Variants in IKBKB observed in about 807,000 individuals in gnomAD.
IKBKB encodes the protein inhibitor of nuclear factor kappa-B kinase subunit beta.
IKBKB carries 42 observed loss-of-function variants against 113.6 expected under a neutral mutation model. That is an observed-to-expected ratio of 0.37 (90% CI 0.29 to 0.48). The LOEUF is 0.48. Ranked by LOEUF, IKBKB falls within the 20% of genes least tolerant of loss-of-function variation. The probability of loss-of-function intolerance (pLI) is 0.99; values close to 1 mark genes in which losing one functional copy is unlikely to be tolerated. For missense variants in IKBKB, 673 were observed against 939.7 expected (o/e 0.72, Z 3.71); for synonymous variants, 296 against 361.3 (o/e 0.82, Z 2.05).
At chr8:42,318,451 C>A (rs1819113450) in intron 12 of IKBKB, 101 bp from the exon 13 acceptor site, 1 of 1,354,706 alleles carries the variant, frequency 7.4e-7, no homozygotes, top group Non-Finnish European at 1.0e-6. Context: ...ATAGTAGGTA[C>A]AAAACGTGAA....
At chr8:42,308,788 C>T (rs1251278857) in intron 7 of IKBKB, 113 bp from the exon 8 acceptor site, 3 of 968,908 alleles carry the variant, frequency 3.1e-6, no homozygotes, top group Admixed American at 2.1e-5. Flanking sequence ...CATGCATGTG[C>T]CAGTGCCCTC....
At chr8:42,271,726 G>T (rs1807785407) in intron 1 of IKBKB, 1 of 509,634 alleles carries the variant, frequency 2.0e-6, no homozygotes, top group Admixed American at 3.9e-5. Context: ...CCTCGGCGAT[G>T]CTCAGAAGTA....
intron 2 of IKBKB, among the ~76,000 whole-genome samples, chr8:42,279,846 A>AT (rs1809988792): frequency 6.6e-6 from 1 of 151,720 alleles, no homozygotes; most frequent in African/African-American, 2.4e-5. Flanking sequence ...TTCTTTATTG[A>AT]TTTTTTGTTG....
At chr8:42,303,201 G>A (rs1369161776) in intron 5 of IKBKB, among the ~76,000 whole-genome samples, 5 of 151,998 alleles carry the variant, frequency 3.3e-5, no homozygotes, top group African/African-American at 9.7e-5. Flanking sequence ...TGGCGGCGAC[G>A]GCATACAGAG....
intron 9 of IKBKB, among the ~76,000 whole-genome samples, chr8:42,315,167 G>A (rs1818432835): frequency 6.6e-6 from 1 of 152,144 alleles, no homozygotes; most frequent in South Asian, 2.1e-4. Context: ...CAGTCTCAGA[G>A]CCAGAATCTA....
chr8:42,318,488 A>G, intron 12 of IKBKB, 64 bp from the exon 13 acceptor site: 1 of 1,568,798 alleles, frequency 6.4e-7, no homozygotes, highest in Non-Finnish European at 8.7e-7. Flanking sequence ...AAGGCAGGAT[A>G]TGGTTAATTG....
chr8:42,318,515 G>A, intron 12 of IKBKB, 37 bp from the exon 13 acceptor site: 1 of 1,604,284 alleles, frequency 6.2e-7, no homozygotes, highest in Non-Finnish European at 8.5e-7. Flanking sequence ...AGTTATTGTG[G>A]TTATTCTTTG....
At chr8:42,317,529 C>T in intron 11 of IKBKB, 128 bp from the exon 12 acceptor site, 1 of 676,526 alleles carries the variant, frequency 1.5e-6, no homozygotes, top group Non-Finnish European at 2.7e-6. Flanking sequence ...TTCATGGATG[C>T]TTCCTACTTG....
At chr8:42,288,777 C>A in intron 3 of IKBKB, 49 bp downstream of exon 3, 1 of 1,438,520 alleles carries the variant, frequency 7.0e-7, no homozygotes, top group East Asian at 2.4e-5. Context: ...AGCAGCAGCC[C>A]CCGGTGTGTC....
At chr8:42,281,307 C>T (rs1283432340) in intron 2 of IKBKB, among the ~76,000 whole-genome samples, 1 of 152,194 alleles carries the variant, frequency 6.6e-6, no homozygotes, top group East Asian at 1.9e-4. Context: ...AGGCTGCGGT[C>T]GTTTATTCCC....
In IKBKB at chr8:42,331,595, G is replaced by C; in HGVS notation, c.*616G>C. 1 of 594,652 alleles carries C rather than the reference G, an allele frequency of 1.7e-6. No individual in the cohort carries two copies. Among genetic ancestry groups the C allele is most frequent in the East Asian group, 2.8e-5 (1 of 35,900 alleles). 36.8% of individuals were successfully genotyped at this position (594,652 alleles called of 1,614,324 possible). A position where few individuals can be genotyped will look rare whatever the true frequency, so the allele number is the denominator to read the frequency against. On this transcript the variant is annotated 3_prime_UTR_variant, in exon 22 of 22. Transcript: ENST00000520810. Reference sequence around the variant, plus strand: ...TTTTTATTTCACTGCTGCTAAAATTGTGTTTTTACCTACTACTTTGGTGGT... The same window carrying C: ...TTTTTATTTCACTGCTGCTAAAATTCTGTTTTTACCTACTACTTTGGTGGT...
intron 5 of IKBKB, among the ~76,000 whole-genome samples, chr8:42,299,379 C>A (rs1230117260): frequency 6.6e-6 from 1 of 152,208 alleles, no homozygotes; most frequent in Non-Finnish European, 1.5e-5. Flanking sequence ...AAGGGCACTT[C>A]CATCACAGTC....
intron 8 of IKBKB, among the ~76,000 whole-genome samples, chr8:42,311,240 G>A (rs1395218394): frequency 6.6e-6 from 1 of 152,216 alleles, no homozygotes; most frequent in Non-Finnish European, 1.5e-5. Context: ...CAGAGGACAA[G>A]TGTCTACATC....
chr8:42,280,175 A>G, intron 2 of IKBKB, among the ~76,000 whole-genome samples: 1 of 152,044 alleles, frequency 6.6e-6, no homozygotes, highest in Non-Finnish European at 1.5e-5. Flanking sequence ...AGGACAAAAC[A>G]CTTATAAGTC....
intron 7 of IKBKB, among the ~76,000 whole-genome samples, chr8:42,308,638 G>C (rs1368447887): frequency 1.3e-5 from 2 of 152,156 alleles, no homozygotes; most frequent in Non-Finnish European, 2.9e-5. Flanking sequence ...AAAGCCTAGC[G>C]ATGGGTGTGT....
At chr8:42,324,867 A>C (rs1373143724) in intron 19 of IKBKB, 1 of 152,894 alleles carries the variant, frequency 6.5e-6, no homozygotes, top group Non-Finnish European at 1.5e-5. Flanking sequence ...GGGCAGAAGC[A>C]CAGGAGGCCA....
At chr8:42,329,835 T>C (rs1010400538) in intron 21 of IKBKB, 66 of 985,312 alleles carry the variant, frequency 6.7e-5, no homozygotes, top group Non-Finnish European at 8.0e-5. Context: ...GCTTCCATTG[T>C]TGAGAGAATC....
chr8:42,295,674 C>T (rs1301159372), intron 5 of IKBKB, among the ~76,000 whole-genome samples: 2 of 151,766 alleles, frequency 1.3e-5, no homozygotes, highest in African/African-American at 4.8e-5. Context: ...TGCAGTAAGC[C>T]GAGATTGCAC....
intron 2 of IKBKB, among the ~76,000 whole-genome samples, chr8:42,277,423 TC>T (rs1782640095): frequency 6.6e-6 from 1 of 151,786 alleles, no homozygotes; most frequent in African/African-American, 2.4e-5. Context: ...CCTCAAGTGA[TC>T]TGCCCACCTT....
Sources: gnomAD v4.1 joint callset for allele counts (sites outside exome capture counted in the v4.1 genomes callset) on GRCh38, gnomAD v4.1.1 for gene constraint, MANE v1.5 for transcripts, NCBI Gene and HGNC (gene_info 2026-07-23, HGNC 2026-07-21) for gene names.